Variants in ARHGAP5 observed in about 807,000 individuals in gnomAD.
The protein encoded by ARHGAP5 is rho GTPase-activating protein 5.
In ARHGAP5, 23 loss-of-function variants were observed where a neutral mutation model predicts 116.6. The observed-to-expected ratio is 0.20, with a 90% confidence interval of 0.14 to 0.28. The LOEUF (loss-of-function observed/expected upper bound fraction) is 0.28. Among genes scored for constraint, ARHGAP5 ranks in the 10% least tolerant of loss-of-function variants. ARHGAP5 has a pLI of 1.00. For synonymous variants in ARHGAP5, 574 were observed against 602.0 expected, an observed-to-expected ratio of 0.95 and a Z score of 0.68; for missense variants, 1,405 against 1,774.8, an observed-to-expected ratio of 0.79 and a Z score of 3.74.
At chr14:32,109,511 T>C (rs1879184076) in intron 2 of ARHGAP5, among the ~76,000 whole-genome samples, 1 of 152,086 alleles carries the variant, frequency 6.6e-6, no homozygotes, top group African/African-American at 2.4e-5. Context: ...TTCTGGCCTG[T>C]TATCAGATTA....
At chr14:32,090,218 T>C (rs760426372) in intron 1 of ARHGAP5, among the ~76,000 whole-genome samples, 5 of 151,924 alleles carry the variant, frequency 3.3e-5, no homozygotes, top group Non-Finnish European at 1.5e-5. Context: ...TTCAAACTCA[T>C]AGGAAGGGGT....
chr14:32,142,381 C>T (rs1203729861), intron 3 of ARHGAP5, among the ~76,000 whole-genome samples: 1 of 152,156 alleles, frequency 6.6e-6, no homozygotes, highest in Non-Finnish European at 1.5e-5. Flanking sequence ...ATTCTTTCCC[C>T]TCACCAGGGT....
At chr14:32,137,036 A>G (rs1405555903) in intron 3 of ARHGAP5, among the ~76,000 whole-genome samples, 1 of 151,804 alleles carries the variant, frequency 6.6e-6, no homozygotes, top group Non-Finnish European at 1.5e-5. Context: ...GTCTTTCTTG[A>G]TAATATCTTT....
chr14:32,131,076 A>G (rs1412112748), intron 3 of ARHGAP5, among the ~76,000 whole-genome samples: 1 of 152,172 alleles, frequency 6.6e-6, no homozygotes, highest in Non-Finnish European at 1.5e-5. Context: ...TTCTCTTCAC[A>G]TAACTGCAAA....
At chr14:32,089,762 A>C (rs1328101556) in intron 1 of ARHGAP5, among the ~76,000 whole-genome samples, 2 of 151,896 alleles carry the variant, frequency 1.3e-5, no homozygotes, top group African/African-American at 4.8e-5. Flanking sequence ...ATCTAATAAA[A>C]AATCAAGGCT....
chr14:32,124,292 T>G (rs1437160574), intron 3 of ARHGAP5, among the ~76,000 whole-genome samples: 1 of 152,150 alleles, frequency 6.6e-6, no homozygotes, highest in Non-Finnish European at 1.5e-5. Flanking sequence ...TGAAAACTGG[T>G]GTTTCATATA....
chr14:32,120,595 CTTTGTAA>C (rs1044933574), intron 3 of ARHGAP5, among the ~76,000 whole-genome samples: 7 of 146,834 alleles, frequency 4.8e-5, no homozygotes, highest in African/African-American at 1.8e-4. Flanking sequence ...ATTCAAAATA[CTTTGTAA>C]TTTCCTTTTT....
At chr14:32,143,723 A>C (rs1344686660) in intron 3 of ARHGAP5, among the ~76,000 whole-genome samples, 4 of 152,206 alleles carry the variant, frequency 2.6e-5, no homozygotes, top group Non-Finnish European at 5.9e-5. Flanking sequence ...TTTTGAAATC[A>C]CTGTTAATAG....
chr14:32,152,591 AT>A, intron 6 of ARHGAP5, 63 bp downstream of exon 6: 2 of 857,716 alleles, frequency 2.3e-6, no homozygotes, highest in Non-Finnish European at 1.8e-6. Context: ...AAACATGTAA[AT>A]TTTATAAATT....
At chr14:32,101,269 G>A (rs2139037732) in intron 2 of ARHGAP5, among the ~76,000 whole-genome samples, 1 of 152,146 alleles carries the variant, frequency 6.6e-6, no homozygotes, top group Non-Finnish European at 1.5e-5. Context: ...TTTGGAGACT[G>A]GCAGAAGAAT....
intron 1 of ARHGAP5, among the ~76,000 whole-genome samples, chr14:32,084,067 C>A (rs1439628843): frequency 6.6e-6 from 1 of 152,154 alleles, no homozygotes; most frequent in East Asian, 1.9e-4. Context: ...GAATGACTTG[C>A]ACACCAAGGC....
chr14:32,082,538 T>G (rs1401535412), intron 1 of ARHGAP5, among the ~76,000 whole-genome samples: 1 of 152,156 alleles, frequency 6.6e-6, no homozygotes, highest in Non-Finnish European at 1.5e-5. Context: ...TGCTCTTTTA[T>G]TGATTAATTA....
intron 4 of ARHGAP5, among the ~76,000 whole-genome samples, chr14:32,149,445 T>C (rs980134401): frequency 2.0e-5 from 3 of 152,152 alleles, no homozygotes; most frequent in African/African-American, 7.2e-5. Context: ...TTGGTTGTCT[T>C]TTCCCTGATC....
intron 3 of ARHGAP5, among the ~76,000 whole-genome samples, chr14:32,121,474 G>T (rs937252619): frequency 3.9e-5 from 6 of 152,054 alleles, no homozygotes; most frequent in African/African-American, 1.4e-4. Flanking sequence ...GCCTTGTTCT[G>T]TTGTTATATA....
chr14:32,093,233 A>C lies in ARHGAP5; in HGVS notation c.2564A>C (p.Tyr855Ser). Residue 855 changes from tyrosine (Y) to serine (S), a missense_variant, in exon 2 of 7, where the codon TAC (tyrosine) becomes TCC (serine). By Grantham distance (144) the Tyr-to-Ser change is moderately radical. Transcript: ENST00000345122. ...CTAGTTCATGGGTATATATTAGTTT[A>C]CTCTGCAAAACGGAAAGCTTCGATG... Reference protein sequence around the residue: ...DELVHGYILVYSAKRKASMGM... With the variant: ...DELVHGYILVSSAKRKASMGM... 1 of 1,613,822 alleles carries C rather than the reference A, an allele frequency of 6.2e-7. No individual in the cohort carries two copies. The highest frequency in any genetic ancestry group is 8.5e-7 in the Non-Finnish European group (1 of 1,179,906).
rs961419736 is a variant in ARHGAP5 at position 32,158,356 on chromosome 14, CAAGAT to C, written c.*3411_*3415del. The C allele has an allele frequency of 1.3e-5, 2 of 151,842 alleles. No homozygotes were observed. Among genetic ancestry groups the C allele is most frequent in the African/African-American group, 4.8e-5 (2 of 41,398 alleles). The allele number at this position is 151,842 out of a possible 1,614,324, so 9.4% of individuals were successfully genotyped here. ...TTGATTTTTTAAATTATCAGGAAAA[CAAGAT>C]AATGCACAGATTTCTAAGACTAAGA... On this transcript the variant is annotated 3_prime_UTR_variant, in exon 7 of 7. Coordinates refer to ENST00000345122, the MANE Select transcript of ARHGAP5 (RefSeq NM_001030055.2).
Position 32,092,081 on chromosome 14 carries a change from G to C in ARHGAP5, c.1412G>C (p.Ser471Thr). The C allele has an allele frequency of 6.2e-7, 1 of 1,613,876 alleles. No individual in the cohort carries two copies. The highest frequency in any genetic ancestry group is 8.5e-7 in the Non-Finnish European group (1 of 1,179,802). ...EAYKYITEAD[S>T]KEVYGRHQRE... ...TACAAATATATCACTGAGGCTGATA[G>C]CAAAGAGGTATATGGTAGGCATCAG... The change falls in exon 2 of 7, where the codon AGC becomes ACC. Residue 471 changes from serine (S) to threonine (T), a missense_variant. Coordinates refer to ENST00000345122, the MANE Select transcript of ARHGAP5 (RefSeq NM_001030055.2). The surrounding 1 kb of genome is among the most constrained non-coding windows in gnomAD (Gnocchi z 4.1).
intron 2 of ARHGAP5, among the ~76,000 whole-genome samples, chr14:32,101,106 C>T (rs1238227512): frequency 6.6e-6 from 1 of 151,938 alleles, no homozygotes; most frequent in African/African-American, 2.4e-5. Flanking sequence ...ATTCCAGGCC[C>T]TGAATATTTT....
At chr14:32,103,102 C>T (rs1044866066) in intron 2 of ARHGAP5, among the ~76,000 whole-genome samples, 1 of 152,162 alleles carries the variant, frequency 6.6e-6, no homozygotes, top group African/African-American at 2.4e-5. Context: ...CTAAATTGAT[C>T]TACCTGGTTA....
Sources: allele counts gnomAD v4.1 joint callset (sites outside exome capture counted in the v4.1 genomes callset), GRCh38; gene constraint gnomAD v4.1.1; non-coding constraint Gnocchi (gnomAD v3.1); transcripts MANE v1.5; gene names NCBI Gene and HGNC (gene_info 2026-07-23, HGNC 2026-07-21).